ZP2: variants seen among roughly 807,000 people sequenced by gnomAD.
ZP2 encodes zona pellucida sperm-binding protein 2.
In ZP2, 51 loss-of-function variants were observed where a neutral mutation model predicts 84.0. The ratio of observed to expected loss-of-function variants is 0.61; its 90% CI spans 0.49 to 0.77. The LOEUF (loss-of-function observed/expected upper bound fraction) is 0.77. ZP2 is among the 30% of genes least tolerant of loss of function. The probability of loss-of-function intolerance (pLI) is 0.00; values close to 1 mark genes in which losing one functional copy is unlikely to be tolerated. For synonymous variants in ZP2, 375 were observed against 330.9 expected (o/e 1.13, Z -1.45); for missense variants, 909 against 911.9 (o/e 1.00, Z 0.04).
chr16:21,210,637 C>G (rs57288359), intron 2 of ZP2, among the ~76,000 whole-genome samples: 1 of 152,246 alleles, frequency 6.6e-6, no homozygotes, highest in Non-Finnish European at 1.5e-5. Flanking sequence ...TGCAGTGGCA[C>G]GATCTCAACC....
At chr16:21,210,638 G>C (rs754844706) in intron 2 of ZP2, among the ~76,000 whole-genome samples, 47 of 152,038 alleles carry the variant, frequency 3.1e-4, no homozygotes, top group Non-Finnish European at 8.8e-5. Context: ...GCAGTGGCAC[G>C]ATCTCAACCC....
Position 21,203,049 on chromosome 16 carries a change from T to C in ZP2, c.1099+76A>G, listed in dbSNP as rs191991826. On this transcript the variant is annotated intron_variant, in intron 10 of 18. Transcript: ENST00000574091. ...ATAAGCAATAGATCAGAATCTGACC[T>C]TCTATACATTTGCCCACATGTACAA... is the stretch of plus-strand genomic sequence containing the variant. 671 of 1,541,918 alleles carry C rather than the reference T, an allele frequency of 4.4e-4. 4 individuals are homozygous for C. In the African/African-American group the frequency reaches 8.6e-3, roughly 20 times the overall value.
chr16:21,201,490 A>T lies in ZP2; in HGVS notation c.1573T>A (p.Tyr525Asn), dbSNP rs1229722986. Residue 525 changes from tyrosine to asparagine, a missense_variant, in exon 14 of 19, where the codon TAC (tyrosine) becomes AAC (asparagine). By Grantham distance (143) the Tyr-to-Asn change is moderately radical. Coordinates refer to ENST00000574091, the MANE Select transcript of ZP2 (RefSeq NM_001376232.1). Reference sequence around the variant, plus strand: ...CTGTTTAGGACTCTCACTTCCATGTAAATTGGTTGGCGGAGGAATCTCACT... The same window carrying T: ...CTGTTTAGGACTCTCACTTCCATGTTAATTGGTTGGCGGAGGAATCTCACT... ...PLVRFLRQPI[Y>N]MEVRVLNRDD... The T allele has an allele frequency of 6.2e-7, 1 of 1,613,840 alleles. No individual in the cohort carries two copies. The highest frequency in any genetic ancestry group is 8.5e-7 in the Non-Finnish European group (1 of 1,179,922).
chr16:21,200,185 C>G (rs575526703), intron 14 of ZP2, among the ~76,000 whole-genome samples: 1 of 152,184 alleles, frequency 6.6e-6, no homozygotes. Context: ...CACCTGTAAT[C>G]CCAGAACTGT....
At chr16:21,210,894 T>A (rs1054850026) in intron 2 of ZP2, among the ~76,000 whole-genome samples, 8 of 151,314 alleles carry the variant, frequency 5.3e-5, no homozygotes, top group African/African-American at 1.7e-4. Flanking sequence ...TTTTTTTTTT[T>A]AAAGATCAAG....
At position 21,204,112 on chromosome 16, in the gene ZP2, C is replaced by T. The variant is rs921227370; in HGVS notation, c.890G>A (p.Ser297Asn). ...ATCAATTCCATTGTCATGCAGCTGG[C>T]TCACATCAATGTTCTGGTTTTCAAA... ...VSFENQNIDV[S>N]QLHDNGIDLE... Residue 297 changes from serine to asparagine, a missense_variant, in exon 9 of 19, where the codon AGC (serine) becomes AAC (asparagine). By Grantham distance (46) the Ser-to-Asn change is conservative. Transcript: ENST00000574091. The T allele has an allele frequency of 1.9e-6, 3 of 1,614,160 alleles. No individual in the cohort carries two copies. The highest frequency in any genetic ancestry group is 8.5e-7 in the Non-Finnish European group (1 of 1,180,024).
chr16:21,205,846 G>T (rs988485182), intron 5 of ZP2, 71 bp from the exon 6 acceptor site: 1 of 1,530,758 alleles, frequency 6.5e-7, no homozygotes, highest in East Asian at 2.3e-5. Context: ...GCCAGAAATT[G>T]CTGTGTGGTT....
chr16:21,205,778 GGAA>G lies in ZP2; in HGVS notation c.484-6_484-4del. Reference sequence around the variant, plus strand: ...GAGAAGACCCGTGGCAAGGAAAACTGGAAGAAAAGAATTGTGATGTAAGACTTT... The same window carrying G: ...GAGAAGACCCGTGGCAAGGAAAACTGGAAAAGAATTGTGATGTAAGACTTT... On this transcript the variant is annotated splice_region_variant and splice_polypyrimidine_tract_variant and intron_variant, in intron 5 of 18. Coordinates refer to ENST00000574091, the MANE Select transcript of ZP2 (RefSeq NM_001376232.1). The G allele has an allele frequency of 6.2e-7, 1 of 1,613,876 alleles. No individual in the cohort carries two copies. Among genetic ancestry groups the G allele is most frequent in the African/African-American group, 1.3e-5 (1 of 75,006 alleles).
At position 21,204,392 on chromosome 16, in the gene ZP2, G is replaced by A. The variant is rs1310853557; in HGVS notation, c.706C>T (p.His236Tyr). ...GVTHYVQGNS[H>Y]LYMVSLKLTF... ...AGCTTCAGAGACACCATGTAGAGAT[G>A]ACTGTTACCTTGCTAGGGGGAGAAA... The change falls in exon 8 of 19, where the codon CAT becomes TAT. Residue 236 changes from histidine (H) to tyrosine (Y), a missense_variant. Coordinates refer to ENST00000574091, the MANE Select transcript of ZP2 (RefSeq NM_001376232.1). The A allele has an allele frequency of 1.2e-6, 2 of 1,613,522 alleles. No homozygotes were observed. The highest frequency in any genetic ancestry group is 1.7e-6 in the Non-Finnish European group (2 of 1,179,636).
Position 21,211,509 on chromosome 16 carries a change from T to C in ZP2, c.39A>G (p.Ser13=), listed in dbSNP as rs1300476846. Residue 13 remains serine (S), a synonymous_variant, in exon 1 of 19, where the codon TCA becomes TCG. Transcript: ENST00000574091. ...ACCTCCAGCCTGCATTGAACCAGCC[T>C]GAGGGACTCCAAGAGCCTCCTCTCT... ...CRQRGGSWSP[S]GWFNAGWSTY... 1.2e-6 allele frequency: 2 copies of C among 1,614,212 alleles called. No individual in the cohort carries two copies. Among genetic ancestry groups the C allele is most frequent in the South Asian group, 2.2e-5 (2 of 91,084 alleles).
intron 16 of ZP2, 151 bp from the exon 17 acceptor site, chr16:21,199,013 G>T (rs2093212315): frequency 1.4e-6 from 1 of 724,678 alleles, no homozygotes; most frequent in Non-Finnish European, 2.4e-6. Context: ...CTTTACTGTA[G>T]AAGTGGGATG....
Position 21,197,618 on chromosome 16 carries a change from A to G in ZP2, c.2100T>C (p.Ala700=). The change falls in exon 19 of 19, where the codon GCT becomes GCC. Residue 700 remains alanine, a synonymous_variant. Coordinates refer to ENST00000574091, the MANE Select transcript of ZP2 (RefSeq NM_001376232.1). ...CAGTCTTGTGCCCTTTGGTGTCCAT[A>G]GCACCTACAAAGGAAGCAGACATTT... ...ETGEEVGSRG[A]MDTKGHKTAG... is the part of the protein sequence containing the mutation. 6.2e-7 allele frequency: 1 copy of G among 1,614,218 alleles called. No homozygotes were observed. The highest frequency in any genetic ancestry group is 8.5e-7 in the Non-Finnish European group (1 of 1,180,036).
upstream of ZP2, among the ~76,000 whole-genome samples, chr16:21,212,092 T>C (rs903567134): frequency 1.3e-5 from 2 of 152,120 alleles, no homozygotes; most frequent in African/African-American, 4.8e-5. Context: ...CACACCTGGC[T>C]AATTTTTGTA....
chr16:21,204,446 C>T (rs1597586939), intron 7 of ZP2, 42 bp from the exon 8 acceptor site: 1 of 1,518,464 alleles, frequency 6.6e-7, no homozygotes, highest in South Asian at 1.2e-5. Flanking sequence ...ACATTGGTTA[C>T]TTGAATCTCT....
chr16:21,200,004 C>G lies in ZP2; in HGVS notation c.1695-126G>C, dbSNP rs2093218058. 3.4e-6 allele frequency: 4 copies of G among 1,191,112 alleles called. No homozygotes were observed. In the East Asian group the frequency reaches 9.4e-5, roughly 28 times the overall value. 73.8% of individuals were successfully genotyped at this position (1,191,112 alleles called of 1,614,324 possible). ...TGCCATATTTACCTTCTACCAGCAC[C>G]TTTGTTTTACTCAGCATTTCTTACC... On this transcript the variant is annotated intron_variant, in intron 14 of 18. Coordinates refer to ENST00000574091, the MANE Select transcript of ZP2 (RefSeq NM_001376232.1).
rs1040710464 is a variant in ZP2, at chr16:21,199,967, C to T, written c.1695-89G>A. The T allele has an allele frequency of 3.2e-4, 494 of 1,522,998 alleles. 1 individual carries two copies. The highest frequency in any genetic ancestry group is 3.8e-4 in the Non-Finnish European group (419 of 1,113,598). 94.3% of individuals were successfully genotyped at this position (1,522,998 alleles called of 1,614,324 possible). On this transcript the variant is annotated intron_variant, in intron 14 of 18. Transcript: ENST00000574091. ...GCCCAGATTTAGTCATACGTAATATCTTCAGAACTATTGCCATATTTACCT... is the reference window on the plus strand; with the variant it reads ...GCCCAGATTTAGTCATACGTAATATTTTCAGAACTATTGCCATATTTACCT...
intron 16 of ZP2, 77 bp downstream of exon 16, chr16:21,199,493 C>T (rs1434660844): frequency 3.1e-6 from 4 of 1,289,156 alleles, no homozygotes; most frequent in Admixed American, 5.4e-5. Flanking sequence ...TTATACCAGT[C>T]CTTAAGATCT....
In ZP2 at chr16:21,198,779, C is replaced by G. The variant is rs1165858503; in HGVS notation, c.2011G>C (p.Gly671Arg). The change falls in exon 17 of 19, where the codon GGT becomes CGT. Residue 671 changes from glycine (G) to arginine (R), a missense_variant and splice_region_variant. Physicochemically the swap from Gly to Arg is moderately radical, Grantham distance 125. Coordinates refer to ENST00000574091, the MANE Select transcript of ZP2 (RefSeq NM_001376232.1). ...LLLSDDSSFR[G>R]VGSSDLKASG... ...AGTACTCCAGGCTTTAGGTCCATAC[C>G]TCTGAATGAGGAGTCATCTGACAAC... is the stretch of plus-strand genomic sequence containing the variant. 6.2e-7 allele frequency: 1 copy of G among 1,613,764 alleles called. No individual in the cohort carries two copies. Among genetic ancestry groups the G allele is most frequent in the Non-Finnish European group, 8.5e-7 (1 of 1,179,922 alleles).
At chr16:21,214,019 G>A (rs1370317689), upstream of ZP2, among the ~76,000 whole-genome samples, 2 of 151,816 alleles carry the variant, frequency 1.3e-5, no homozygotes, top group Admixed American at 6.6e-5. Flanking sequence ...TTCCCACCGC[G>A]CTACTCACTC....
Sources: allele counts gnomAD v4.1 joint callset (sites outside exome capture counted in the v4.1 genomes callset), GRCh38; gene constraint gnomAD v4.1.1; transcripts MANE v1.5; gene names NCBI Gene and HGNC (gene_info 2026-07-23, HGNC 2026-07-21).